PCDH15: variants seen among roughly 807,000 people sequenced by gnomAD.
PCDH15 encodes protocadherin-15.
PCDH15 carries 129 observed loss-of-function variants against 178.5 expected under a neutral mutation model. That is an observed-to-expected ratio of 0.72 (90% confidence interval 0.63 to 0.84). The LOEUF is 0.84. Among genes scored for constraint, PCDH15 ranks in the 40% least tolerant of loss-of-function variants. The pLI is 0.00. For synonymous variants in PCDH15, 800 were observed against 732.0 expected, an observed-to-expected ratio of 1.09 and a Z score of -1.50; for missense variants, 2,230 against 2,099.9, an observed-to-expected ratio of 1.06 and a Z score of -1.21.
At chr10:53,995,492 T>C in intron 21 of PCDH15, 157 bp downstream of exon 21, 1 of 1,341,936 alleles carries the variant, frequency 7.5e-7, no homozygotes, top group East Asian at 2.5e-5. Flanking sequence ...ATATGCTCTG[T>C]ACCTGTGGAT....
chr10:54,817,961 C>T (rs1351158443), intron 3 of PCDH15, among the ~76,000 whole-genome samples: 1 of 151,952 alleles, frequency 6.6e-6, no homozygotes, highest in African/African-American at 2.4e-5. Context: ...CCTCAGAGGG[C>T]AGTATTAGGG....
At position 55,483,276 on chromosome 10, in the gene PCDH15, T is replaced by G. The variant is rs543727243; in HGVS notation, c.-156+144349A>C. On this transcript the variant is annotated intron_variant, in intron 2 of 5. Coordinates refer to the PCDH15 transcript ENST00000613346. ...TAATCTATAAGTAACTTAAATAAAT[T>G]TTTACAAAAAAAAATCCATAAAAAA... 1.3e-4 allele frequency among the ~76,000 whole-genome samples: 14 copies of G among 108,724 alleles called. No individual in the cohort carries two copies. In the South Asian group the frequency reaches 4.6e-3, roughly 35 times the overall value. 71.3% of individuals were successfully genotyped at this position (108,724 alleles called of 152,430 possible).
chr10:53,898,939 A>G (rs994895447), intron 26 of PCDH15, among the ~76,000 whole-genome samples: 1 of 152,196 alleles, frequency 6.6e-6, no homozygotes, highest in Admixed American at 6.5e-5. Flanking sequence ...TACTCAGACA[A>G]TGTGAGTATA....
In PCDH15 at chr10:55,331,444, C is replaced by T. The variant is rs377086436; in HGVS notation, c.-155-164793G>A. On this transcript the variant is annotated intron_variant, in intron 2 of 5. Coordinates refer to the PCDH15 transcript ENST00000613346. ...AGTATAGTAATAGTAAGTAGAATTG[C>T]TTTAAAAAAAGGAATGATATGTATC... Among the ~76,000 whole-genome samples the T allele has an allele frequency of 9.2e-5, 14 of 151,966 alleles. No homozygotes were observed. In the East Asian group the frequency reaches 2.5e-3, roughly 27 times the overall value.
chr10:54,105,313 T>TAC (rs1345230289), intron 15 of PCDH15, among the ~76,000 whole-genome samples: 392 of 75,822 alleles, frequency 5.2e-3, no homozygotes, highest in Non-Finnish European at 8.0e-3. Context: ...TATATATATA[T>TAC]ATATACACAC....
chr10:54,407,981 G>A (rs998383595), intron 3 of PCDH15, among the ~76,000 whole-genome samples: 11 of 150,954 alleles, frequency 7.3e-5, no homozygotes, highest in African/African-American at 2.7e-4. Context: ...CTTGAACCCG[G>A]GAGGTGGAGG....
chr10:54,234,132 C>CTGTGTGTGTGTGTGTG (rs35466519), intron 9 of PCDH15, among the ~76,000 whole-genome samples: 4 of 138,466 alleles, frequency 2.9e-5, no homozygotes, highest in Admixed American at 7.3e-5. Context: ...ATATCCCCTT[C>CTGTGTGTGTGTGTGTG]TGTGTGTGTG....
intron 3 of PCDH15, among the ~76,000 whole-genome samples, chr10:54,484,487 G>T (rs1033389468): frequency 6.6e-6 from 1 of 151,860 alleles, no homozygotes; most frequent in South Asian, 2.1e-4. Context: ...CACATTAATT[G>T]TAAGAATCTT....
At chr10:54,499,400 A>G (rs2080429274) in intron 3 of PCDH15, among the ~76,000 whole-genome samples, 1 of 152,094 alleles carries the variant, frequency 6.6e-6, no homozygotes, top group Non-Finnish European at 1.5e-5. Flanking sequence ...AATGTACTCT[A>G]AGATCAACCA....
At chr10:54,356,250 G>A (rs543356211) in intron 5 of PCDH15, among the ~76,000 whole-genome samples, 3 of 151,982 alleles carry the variant, frequency 2.0e-5, no homozygotes, top group Non-Finnish European at 4.4e-5. Context: ...CAAAGTCTAC[G>A]AATCATGAGA....
intron 8 of PCDH15, among the ~76,000 whole-genome samples, chr10:54,271,746 G>T (rs2132501535): frequency 6.6e-6 from 1 of 152,074 alleles, no homozygotes; most frequent in African/African-American, 2.4e-5. Context: ...TCATGTAAGT[G>T]CTCAACTGTA....
intron 2 of PCDH15, among the ~76,000 whole-genome samples, chr10:55,473,792 C>G (rs1487193181): frequency 6.6e-6 from 1 of 152,056 alleles, no homozygotes; most frequent in Non-Finnish European, 1.5e-5. Flanking sequence ...AAAATTTTCA[C>G]TTGTTGAACA....
intron 1 of PCDH15, among the ~76,000 whole-genome samples, chr10:54,769,704 C>T (rs573120931): frequency 3.3e-4 from 50 of 152,150 alleles, no homozygotes; most frequent in African/African-American, 1.1e-3. Context: ...GACAAAGTTT[C>T]TAGAATCCAG....
Position 53,805,160 on chromosome 10 carries a change from G to A in PCDH15, c.*1419C>T, listed in dbSNP as rs890313423. On this transcript the variant is annotated 3_prime_UTR_variant, in exon 38 of 38. Transcript: ENST00000644397. ...AATTTTTAAGACGCGAAACATGTAA[G>A]AGGGGAATAAATAATAGTGCATTAT... 3 of 151,718 alleles carry A rather than the reference G, an allele frequency of 2.0e-5. No homozygotes were observed. Among genetic ancestry groups the A allele is most frequent in the Middle Eastern group, 3.2e-3 (1 of 316 alleles). The allele number at this position is 151,718 out of a possible 1,614,324, so 9.4% of individuals were successfully genotyped here.
At chr10:54,529,924 A>AC (rs1401068199) in intron 2 of PCDH15, among the ~76,000 whole-genome samples, 2 of 151,998 alleles carry the variant, frequency 1.3e-5, no homozygotes, top group African/African-American at 2.4e-5. Flanking sequence ...ATATACACAC[A>AC]CTCATGTCAC....
chr10:54,028,222 T>C (rs1381078011), intron 18 of PCDH15, among the ~76,000 whole-genome samples: 1 of 148,236 alleles, frequency 6.7e-6, no homozygotes, highest in African/African-American at 2.5e-5. Flanking sequence ...GAAATGCAAA[T>C]CAAAACCACA....
rs182734653 is a variant in PCDH15, at chr10:53,928,107, A to G, written c.3373+10708T>C. Among the ~76,000 whole-genome samples, 431 of 152,240 alleles carry G rather than the reference A, an allele frequency of 2.8e-3. 1 individual carries two copies. Among genetic ancestry groups the G allele is most frequent in the African/African-American group, 9.5e-3 (395 of 41,584 alleles). On this transcript the variant is annotated intron_variant, in intron 25 of 37. Coordinates refer to ENST00000644397, the MANE Select transcript of PCDH15 (RefSeq NM_001384140.1). The stretch of plus-strand genomic sequence containing the variant: ...AAAAGCAGTTACATAGGATATGCCC[A>G]GTAGAACTTCAGAGACTGGTGAAGT...
chr10:54,087,893 T>G (rs552383993), intron 16 of PCDH15, among the ~76,000 whole-genome samples: 1 of 152,132 alleles, frequency 6.6e-6, no homozygotes, highest in Non-Finnish European at 1.5e-5. Flanking sequence ...GTTCAGGAGA[T>G]CTGCCTGTTT....
intron 3 of PCDH15, among the ~76,000 whole-genome samples, chr10:54,873,083 A>G (rs1381656832): frequency 2.0e-5 from 3 of 152,184 alleles, no homozygotes; most frequent in Non-Finnish European, 4.4e-5. Context: ...CTGGGCAGTT[A>G]TGTCTCAAAC....
Sources: gnomAD v4.1 joint callset for allele counts (sites outside exome capture counted in the v4.1 genomes callset) on GRCh38, gnomAD v4.1.1 for gene constraint, MANE v1.5 for transcripts, NCBI Gene and HGNC (gene_info 2026-07-23, HGNC 2026-07-21) for gene names.